GRIN2A: variants seen among roughly 807,000 people sequenced by gnomAD.
GRIN2A encodes the protein glutamate receptor ionotropic, NMDA 2A.
A neutral mutation model predicts 113.4 loss-of-function variants in GRIN2A; 22 were observed. That is an observed-to-expected ratio of 0.19 (90% CI 0.14 to 0.28). The LOEUF is 0.28. Among genes scored for constraint, GRIN2A ranks in the 10% least tolerant of loss-of-function variants. The probability of loss-of-function intolerance (pLI) is 1.00; values close to 1 mark genes in which losing one functional copy is unlikely to be tolerated. For synonymous variants in GRIN2A, 827 were observed against 738.4 expected (o/e 1.12, Z -1.94); for missense variants, 1,502 against 1,887.0 (o/e 0.80, Z 3.78).
At chr16:9,892,348 G>C (rs2043711177) in intron 3 of GRIN2A, among the ~76,000 whole-genome samples, 1 of 152,204 alleles carries the variant, frequency 6.6e-6, no homozygotes, top group Admixed American at 6.5e-5. Context: ...AGGGGAACCA[G>C]AGCGGGTACA....
intron 8 of GRIN2A, among the ~76,000 whole-genome samples, chr16:9,831,127 T>C (rs887015068): frequency 2.0e-5 from 3 of 152,080 alleles, no homozygotes; most frequent in Non-Finnish European, 4.4e-5. Context: ...TTCCCAAGAG[T>C]TGCCACAGCA....
chr16:10,103,346 C>A (rs922926351), intron 2 of GRIN2A, among the ~76,000 whole-genome samples: 74 of 152,208 alleles, frequency 4.9e-4, no homozygotes, highest in African/African-American at 1.7e-3. Context: ...AGCTGGGATG[C>A]AATTTGCAGA....
At chr16:9,790,619 TGTG>T (rs749469207) in intron 11 of GRIN2A, among the ~76,000 whole-genome samples, 1 of 152,198 alleles carries the variant, frequency 6.6e-6, no homozygotes, top group Non-Finnish European at 1.5e-5. Context: ...GCCTCTATCT[TGTG>T]GTGAATACAG....
At chr16:10,179,121 T>A (rs12444398) in intron 2 of GRIN2A, among the ~76,000 whole-genome samples, 6,494 of 152,044 alleles carry the variant, frequency 0.043, 336 homozygotes, top group African/African-American at 0.12. Context: ...TCTCCCTTCT[T>A]CTCCAAACCA....
rs551438825 is a variant in GRIN2A at position 10,167,004 on chromosome 16, T to C, written c.414+12994A>G. Among the ~76,000 whole-genome samples the C allele has an allele frequency of 3.2e-4, 48 of 152,346 alleles. 1 individual carries two copies. In the South Asian group the frequency reaches 9.3e-3, roughly 30 times the overall value. On this transcript the variant is annotated intron_variant, in intron 2 of 12. Transcript: ENST00000330684. Reference sequence around the variant, plus strand: ...ATTTGTATTAATTGACTGTCTATGTTATTGGTAAGGCTTCTGATCAACAGT... The same window carrying C: ...ATTTGTATTAATTGACTGTCTATGTCATTGGTAAGGCTTCTGATCAACAGT...
At chr16:10,093,289 T>C (rs189921924) in intron 2 of GRIN2A, among the ~76,000 whole-genome samples, 6 of 152,298 alleles carry the variant, frequency 3.9e-5, no homozygotes, top group Admixed American at 6.5e-5. Flanking sequence ...TTGTGTCATT[T>C]TATCTTGCCT....
At chr16:10,046,614 C>G (rs2047264115) in intron 2 of GRIN2A, among the ~76,000 whole-genome samples, 1 of 148,014 alleles carries the variant, frequency 6.8e-6, no homozygotes, top group African/African-American at 2.4e-5. Context: ...GCCCTGGAGT[C>G]TGAGGCAAAC....
chr16:9,850,738 G>C (rs1013467133), intron 4 of GRIN2A, among the ~76,000 whole-genome samples: 2 of 152,130 alleles, frequency 1.3e-5, no homozygotes, highest in African/African-American at 4.8e-5. Context: ...AGGGGAGACT[G>C]TCACTGCTTA....
At chr16:10,038,345 A>G (rs753155092) in intron 2 of GRIN2A, among the ~76,000 whole-genome samples, 6 of 152,144 alleles carry the variant, frequency 3.9e-5, no homozygotes, top group Non-Finnish European at 7.4e-5. Flanking sequence ...GGGGGACGCT[A>G]ACATTCAAAC....
intron 2 of GRIN2A, among the ~76,000 whole-genome samples, chr16:10,173,833 T>TA (rs1045774375): frequency 6.6e-6 from 1 of 152,092 alleles, no homozygotes; most frequent in African/African-American, 2.4e-5. Flanking sequence ...TAATCAAGTT[T>TA]AAAAAAATAT....
intron 11 of GRIN2A, among the ~76,000 whole-genome samples, chr16:9,782,664 C>G (rs1032570553): frequency 6.6e-6 from 1 of 152,182 alleles, no homozygotes; most frequent in Non-Finnish European, 1.5e-5. Context: ...GGCATGCTGA[C>G]CTTGTACTAA....
chr16:9,837,772 A>T (rs2042607404), intron 7 of GRIN2A, among the ~76,000 whole-genome samples: 1 of 152,190 alleles, frequency 6.6e-6, no homozygotes, highest in Non-Finnish European at 1.5e-5. Context: ...TGTTCCTGGC[A>T]TAGTGAGGCT....
At chr16:10,111,501 G>T (rs1356490565) in intron 2 of GRIN2A, 3 of 697,920 alleles carry the variant, frequency 4.3e-6, no homozygotes, top group Non-Finnish European at 2.6e-6. Flanking sequence ...TTCTCCCATG[G>T]TTCATAGATT....
intron 2 of GRIN2A, among the ~76,000 whole-genome samples, chr16:9,984,281 C>T (rs145191315): frequency 5.1e-4 from 77 of 151,364 alleles, no homozygotes; most frequent in African/African-American, 1.8e-3. Context: ...AATCCCTTGT[C>T]AGTTGAGTAG....
At chr16:9,902,245 G>A (rs1334042569) in intron 3 of GRIN2A, among the ~76,000 whole-genome samples, 1 of 152,182 alleles carries the variant, frequency 6.6e-6, no homozygotes, top group East Asian at 1.9e-4. Flanking sequence ...ATAATAGGAA[G>A]ACAGAAGGTA....
rs2142388611 is a variant in GRIN2A at position 10,180,108 on chromosome 16, C to G, written c.304G>C (p.Asp102His). The G allele has an allele frequency of 1.2e-6, 2 of 1,614,192 alleles. No homozygotes were observed. Among genetic ancestry groups the G allele is most frequent in the Non-Finnish European group, 1.7e-6 (2 of 1,180,016 alleles). ...GCTACGGCCTCCTGGTCCGTGTCGT[C>G]CCCAAACACGAGGCCGTGGATGCGT... is the stretch of plus-strand genomic sequence containing the variant. ...GARIHGLVFG[D>H]DTDQEAVAQM... Residue 102 changes from aspartate to histidine, a missense_variant, in exon 2 of 13, where the codon GAC becomes CAC. Transcript: ENST00000330684. The surrounding 1 kb of genome is among the most constrained non-coding windows in gnomAD (Gnocchi z 7.0).
At chr16:9,920,580 T>TTC (rs1453823688) in intron 3 of GRIN2A, among the ~76,000 whole-genome samples, 1 of 151,876 alleles carries the variant, frequency 6.6e-6, no homozygotes. Context: ...TTTTTTTTTT[T>TTC]TCAGATGGAG....
chr16:9,859,839 A>C (rs2043033130), intron 4 of GRIN2A, among the ~76,000 whole-genome samples: 1 of 152,050 alleles, frequency 6.6e-6, no homozygotes, highest in Admixed American at 6.6e-5. Context: ...CTAATTCTCC[A>C]TCTGGAATTC....
chr16:9,984,481 T>C (rs2045946557), intron 2 of GRIN2A, among the ~76,000 whole-genome samples: 1 of 152,232 alleles, frequency 6.6e-6, no homozygotes, highest in South Asian at 2.1e-4. Context: ...TTTCACAGTT[T>C]TAGGTTTTAC....
Sources: allele counts gnomAD v4.1 joint callset (sites outside exome capture counted in the v4.1 genomes callset), GRCh38; gene constraint gnomAD v4.1.1; non-coding constraint Gnocchi (gnomAD v3.1); transcripts MANE v1.5; gene names NCBI Gene and HGNC (gene_info 2026-07-23, HGNC 2026-07-21).